The following DMWD variants were observed in gnomAD, a reference collection of about 807,000 sequenced individuals.
The protein encoded by DMWD is DM1 locus, WD repeat containing, also known as dystrophia myotonica WD repeat-containing protein.
In DMWD, 19 loss-of-function variants were observed where a neutral mutation model predicts 45.8. That is an observed-to-expected ratio of 0.41 (90% CI 0.29 to 0.61). The LOEUF (loss-of-function observed/expected upper bound fraction) is 0.61. Among genes scored for constraint, DMWD ranks in the 20% least tolerant of loss-of-function variants. DMWD has a pLI of 0.25. For synonymous variants in DMWD, 515 were observed against 440.5 expected (o/e 1.17, Z -2.12); for missense variants, 802 against 965.2 (o/e 0.83, Z 2.24).
chr19:45,792,500 C>G lies in DMWD; in HGVS notation c.257G>C (p.Gly86Ala), dbSNP rs1457030060. 3.7e-5 allele frequency: 43 copies of G among 1,163,504 alleles called. No homozygotes were observed. Among genetic ancestry groups the G allele is most frequent in the Non-Finnish European group, 4.4e-5 (41 of 939,902 alleles). The allele number at this position is 1,163,504 out of a possible 1,614,324, so 72.1% of individuals were successfully genotyped here. The change falls in exon 1 of 5, where the codon GGA becomes GCA. Residue 86 changes from glycine (G) to alanine (A), a missense_variant. Physicochemically the swap from Gly to Ala is moderately conservative, Grantham distance 60 (BLOSUM62 0). Transcript: ENST00000270223. Reference protein sequence around the residue: ...PASSPPPAGPGPGPALPAVRL... With the variant: ...PASSPPPAGPAPGPALPAVRL... ...CACGGCGGGCAGGGCGGGCCCGGGT[C>G]CGGGGCCTGCGGGCGGCGGGGACGA...
At chr19:45,791,805 C>A (rs1240469476) in intron 1 of DMWD, among the ~76,000 whole-genome samples, 1 of 152,004 alleles carries the variant, frequency 6.6e-6, no homozygotes, top group Non-Finnish European at 1.5e-5. Flanking sequence ...GACTTCCAGA[C>A]CCCAATTTTC....
chr19:45,789,030 C>T (rs1970320755), intron 2 of DMWD, among the ~76,000 whole-genome samples: 1 of 152,112 alleles, frequency 6.6e-6, no homozygotes, highest in Admixed American at 6.6e-5. Context: ...GCTTTCCTGA[C>T]CACCCTACTA....
chr19:45,791,139 A>T, intron 1 of DMWD, 52 bp from the exon 2 acceptor site: 1 of 1,535,196 alleles, frequency 6.5e-7, no homozygotes, highest in East Asian at 2.3e-5. Context: ...GAGGAGAAGG[A>T]AGAGGATGTT....
intron 2 of DMWD, 33 bp from the exon 3 acceptor site, chr19:45,786,904 G>A (rs199892668): frequency 1.3e-6 from 2 of 1,597,320 alleles, no homozygotes; most frequent in East Asian, 4.5e-5. Context: ...GTTGGGAGAA[G>A]GCAGTAAAAC....
In DMWD at chr19:45,790,875, GAAGTTGGGGGCTC is replaced by G; in HGVS notation, c.624+17_624+29del. 1 of 1,581,896 alleles carries G rather than the reference GAAGTTGGGGGCTC, an allele frequency of 6.3e-7. No homozygotes were observed. ...TATAGTGGGTAGGTGAGAAGGCAGA[GAAGTTGGGGGCTC>G]TGGGGGCTGCAATCACCTCCTCATT... On this transcript the variant is annotated intron_variant, in intron 2 of 4. Transcript: ENST00000270223.
Position 45,783,942 on chromosome 19 carries a change from C to G in DMWD, c.*301G>C, listed in dbSNP as rs617988. 259,125 of 544,338 alleles carry G rather than the reference C, an allele frequency of 0.48. 63,694 individuals are homozygous for G. The highest frequency in any genetic ancestry group is 0.68 in the East Asian group (19,745 of 29,112). 33.7% of individuals were successfully genotyped at this position (544,338 alleles called of 1,614,324 possible). A position where few individuals can be genotyped will look rare whatever the true frequency, so the allele number is the denominator to read the frequency against. On this transcript the variant is annotated 3_prime_UTR_variant, in exon 5 of 5. Coordinates refer to ENST00000270223, the MANE Select transcript of DMWD (RefSeq NM_004943.2). ...GGCTCTTGTGGCAGGGGCGGGGAGTCTCTCCCCAGGAGTGACCAGTCACAT... is the reference window on the plus strand; with the variant it reads ...GGCTCTTGTGGCAGGGGCGGGGAGTGTCTCCCCAGGAGTGACCAGTCACAT...
chr19:45,788,001 C>T (rs530156160), intron 2 of DMWD, among the ~76,000 whole-genome samples: 16 of 152,210 alleles, frequency 1.1e-4, no homozygotes, highest in Non-Finnish European at 2.1e-4. Context: ...TGCTTGAACC[C>T]GGGAGGCGGA....
intron 1 of DMWD, 45 bp from the exon 2 acceptor site, chr19:45,791,132 G>A (rs1430931947): frequency 3.9e-6 from 6 of 1,547,304 alleles, no homozygotes; most frequent in Non-Finnish European, 5.3e-6. Context: ...TGCCACTGAG[G>A]AGAAGGAAGA....
In DMWD at chr19:45,786,719, C is replaced by T. The variant is rs777010231; in HGVS notation, c.777G>A (p.Gln259=). 3 of 1,613,040 alleles carry T rather than the reference C, an allele frequency of 1.9e-6. No homozygotes were observed. In the South Asian group the frequency reaches 3.3e-5, roughly 18 times the overall value. ...CAGCATAGACAGAGAAGCCCTCGCC[C>T]TGCTTCAGCAGGCTGTACTGGGGCG... ...SAPPQYSLLK[Q]GEGFSVYAAK... The change falls in exon 3 of 5, where the codon CAG becomes CAA. Residue 259 remains glutamine (Q), a synonymous_variant. Coordinates refer to ENST00000270223, the MANE Select transcript of DMWD (RefSeq NM_004943.2).
In DMWD at chr19:45,792,732, C is replaced by A; in HGVS notation, c.25G>T (p.Gly9Cys). Residue 9 changes from glycine to cysteine, a missense_variant, in exon 1 of 5, where the codon GGC (glycine) becomes TGC (cysteine). Gly to Cys is a radical substitution (Grantham distance 159). Around this residue, in one of 9 missense-constraint regions of DMWD, gnomAD observed 151 missense variants for 128.1 expected, o/e 1.18. Coordinates refer to ENST00000270223, the MANE Select transcript of DMWD (RefSeq NM_004943.2). MAAGGAEG[G>C]SGPGAAMGDC... ...CCCATGGCGGCGCCGGGGCCCGAGC[C>A]GCCCTCCGCGCCGCCCGCCGCCATC... 5 of 1,155,238 alleles carry A rather than the reference C, an allele frequency of 4.3e-6. No individual in the cohort carries two copies. Among genetic ancestry groups the A allele is most frequent in the Non-Finnish European group, 5.4e-6 (5 of 934,552 alleles). 71.6% of individuals were successfully genotyped at this position (1,155,238 alleles called of 1,614,324 possible). A position where few individuals can be genotyped will look rare whatever the true frequency, so the allele number is the denominator to read the frequency against.
In DMWD at chr19:45,791,093, G is replaced by A. The variant is rs902880872; in HGVS notation, c.442-6C>T. ...GGCTTGTTGAGGTCAATGGACTTGA[G>A]GGGTGGGAGAAAAGGAGTTAATGGT... On this transcript the variant is annotated splice_region_variant and splice_polypyrimidine_tract_variant and intron_variant, in intron 1 of 4. Coordinates refer to ENST00000270223, the MANE Select transcript of DMWD (RefSeq NM_004943.2). The A allele has an allele frequency of 1.9e-6, 3 of 1,604,896 alleles. No homozygotes were observed. Among genetic ancestry groups the A allele is most frequent in the Non-Finnish European group, 2.6e-6 (3 of 1,175,342 alleles).
chr19:45,791,619 C>T (rs987160170), intron 1 of DMWD, among the ~76,000 whole-genome samples: 2 of 152,258 alleles, frequency 1.3e-5, no homozygotes, highest in Admixed American at 6.5e-5. Context: ...CCATTTATTA[C>T]CTAGGGGCTC....
chr19:45,792,452 C>A lies in DMWD; in HGVS notation c.305G>T (p.Gly102Val). ...CCCGGCCCCGGCGCTGTCCGGCTCC[C>A]CGAGGCGCACGAGGCTGAGGCGCAC... ...PAVRLSLVRL[G>V]EPDSAGAGEP... The change falls in exon 1 of 5, where the codon GGG (glycine) becomes GTG (valine). Residue 102 changes from glycine (G) to valine (V), a missense_variant. Gly to Val is a moderately radical substitution (Grantham distance 109). Transcript: ENST00000270223. 1 of 1,487,346 alleles carries A rather than the reference C, an allele frequency of 6.7e-7. No individual in the cohort carries two copies. The allele number at this position is 1,487,346 out of a possible 1,614,324, so 92.1% of individuals were successfully genotyped here. A position where few individuals can be genotyped will look rare whatever the true frequency, so the allele number is the denominator to read the frequency against.
At chr19:45,784,802 C>G in intron 3 of DMWD, 87 bp from the exon 4 acceptor site, 1 of 1,546,246 alleles carries the variant, frequency 6.5e-7, no homozygotes, top group Non-Finnish European at 8.7e-7. Flanking sequence ...AGACTGTGCT[C>G]TCAAGTTCTA....
intron 1 of DMWD, 98 bp downstream of exon 1, chr19:45,792,218 C>CT: frequency 6.9e-7 from 1 of 1,447,454 alleles, no homozygotes; most frequent in African/African-American, 1.5e-5. Flanking sequence ...TTTAGAATGC[C>CT]TATCTCAGGG....
rs760223750 is a variant in DMWD at position 45,786,254 on chromosome 19, C to G, written c.1242G>C (p.Gly414=). The G allele has an allele frequency of 5.0e-6, 8 of 1,606,690 alleles. No homozygotes were observed. Among genetic ancestry groups the G allele is most frequent in the Non-Finnish European group, 6.8e-6 (8 of 1,175,704 alleles). The change falls in exon 3 of 5, where the codon GGG becomes GGC. Residue 414 remains glycine (G), a synonymous_variant. Transcript: ENST00000270223. ...TGGGCAGTGGAGAGAGCGGGGCGCCCCCGGCCGAGCCTGTGCCCGCAGCCT... is the reference window on the plus strand; with the variant it reads ...TGGGCAGTGGAGAGAGCGGGGCGCCGCCGGCCGAGCCTGTGCCCGCAGCCT... ...EPEAAGTGSA[G]GAPLSPLPKA...
intron 2 of DMWD, 146 bp from the exon 3 acceptor site, chr19:45,787,017 G>C: frequency 7.2e-7 from 1 of 1,383,980 alleles, no homozygotes; most frequent in Admixed American, 2.6e-5. Context: ...TCCTCGGAGA[G>C]AAGCTCCCAA....
Position 45,791,096 on chromosome 19 carries a change from G to A in DMWD, c.442-9C>T. On this transcript the variant is annotated splice_polypyrimidine_tract_variant and intron_variant, in intron 1 of 4. Transcript: ENST00000270223. Reference sequence around the variant, plus strand: ...TTGTTGAGGTCAATGGACTTGAGGGGTGGGAGAAAAGGAGTTAATGGTGTA... The same window carrying A: ...TTGTTGAGGTCAATGGACTTGAGGGATGGGAGAAAAGGAGTTAATGGTGTA... 1.2e-6 allele frequency: 2 copies of A among 1,603,448 alleles called. No homozygotes were observed. Among genetic ancestry groups the A allele is most frequent in the East Asian group, 2.2e-5 (1 of 44,820 alleles).
chr19:45,784,482 G>C, intron 4 of DMWD, 159 bp downstream of exon 4: 6 of 1,344,190 alleles, frequency 4.5e-6, no homozygotes, highest in Non-Finnish European at 6.1e-6. Flanking sequence ...TTCCTGTCCT[G>C]GCAGTCAGCA....
Sources: allele counts gnomAD v4.1 joint callset (sites outside exome capture counted in the v4.1 genomes callset), GRCh38; gene constraint gnomAD v4.1.1; regional missense constraint gnomAD v4.1.1; transcripts MANE v1.5; gene names NCBI Gene and HGNC (gene_info 2026-07-23, HGNC 2026-07-21).